Variants in ZDHHC20 observed in about 807,000 individuals in gnomAD.
ZDHHC20 encodes the protein palmitoyltransferase ZDHHC20.
In ZDHHC20, 43 loss-of-function variants were observed where a neutral mutation model predicts 57.8. That is an observed-to-expected ratio of 0.74 (90% CI 0.58 to 0.96). The LOEUF (loss-of-function observed/expected upper bound fraction) is 0.96. Ranked by LOEUF, ZDHHC20 falls within the 40% of genes least tolerant of loss-of-function variation. The pLI is 0.00. For missense variants in ZDHHC20, 391 were observed against 441.1 expected (o/e 0.89, Z 1.02); for synonymous variants, 157 against 153.0 (o/e 1.03, Z -0.19).
chr13:21,430,847 G>C (rs1881829345), intron 1 of ZDHHC20, among the ~76,000 whole-genome samples: 1 of 151,914 alleles, frequency 6.6e-6, no homozygotes, highest in Non-Finnish European at 1.5e-5. Flanking sequence ...GCTTCTTCTT[G>C]ATACCTTTCA....
intron 1 of ZDHHC20, among the ~76,000 whole-genome samples, chr13:21,427,361 T>C (rs183510459): frequency 6.6e-6 from 1 of 152,318 alleles, no homozygotes; most frequent in Non-Finnish European, 1.5e-5. Flanking sequence ...AGATGGGATT[T>C]GAACTAAAAG....
At chr13:21,392,808 C>T (rs1875984041) in intron 7 of ZDHHC20, among the ~76,000 whole-genome samples, 1 of 152,200 alleles carries the variant, frequency 6.6e-6, no homozygotes, top group African/African-American at 2.4e-5. Context: ...TGATCTTTTT[C>T]TCTTTTCTTC....
chr13:21,402,853 A>G lies in ZDHHC20; in HGVS notation c.384T>C (p.Cys128=). 2 of 1,593,540 alleles carry G rather than the reference A, an allele frequency of 1.3e-6. No individual in the cohort carries two copies. The highest frequency in any genetic ancestry group is 1.7e-4 in the Middle Eastern group (1 of 6,038). The change falls in exon 5 of 13, where the codon TGT becomes TGC. Residue 128 remains cysteine (C), a synonymous_variant. Coordinates refer to ENST00000400590, the MANE Select transcript of ZDHHC20 (RefSeq NM_001330059.2). ...CAGGTTTAATCAGCTGACATTTTTC[A>G]CAATATCTGATAGCTACATGAAAGA... ...TTSASKTIRY[C]EKCQLIKPDR...
intron 4 of ZDHHC20, among the ~76,000 whole-genome samples, chr13:21,413,064 A>G (rs1415603395): frequency 6.6e-6 from 1 of 151,974 alleles, no homozygotes; most frequent in Non-Finnish European, 1.5e-5. Context: ...TTAAACGACC[A>G]GCCACTTATA....
At chr13:21,385,447 T>A (rs1874295076) in intron 9 of ZDHHC20, among the ~76,000 whole-genome samples, 1 of 151,990 alleles carries the variant, frequency 6.6e-6, no homozygotes, top group African/African-American at 2.4e-5. Context: ...TAAATAAATA[T>A]TTTAAAAATC....
chr13:21,434,337 A>AG (rs1477523022), intron 1 of ZDHHC20, among the ~76,000 whole-genome samples: 2 of 145,804 alleles, frequency 1.4e-5, no homozygotes, highest in Non-Finnish European at 3.1e-5. Flanking sequence ...GATAATGACA[A>AG]TAACACTGCC....
Position 21,374,323 on chromosome 13 carries a change from C to T in ZDHHC20, c.*2373G>A, listed in dbSNP as rs1323187664. 6.9e-6 allele frequency: 3 copies of T among 434,670 alleles called. No homozygotes were observed. Among genetic ancestry groups the T allele is most frequent in the South Asian group, 4.9e-5 (3 of 61,360 alleles). 26.9% of individuals were successfully genotyped at this position (434,670 alleles called of 1,614,324 possible). On this transcript the variant is annotated 3_prime_UTR_variant, in exon 13 of 13. Coordinates refer to ENST00000400590, the MANE Select transcript of ZDHHC20 (RefSeq NM_001330059.2). Reference sequence around the variant, plus strand: ...CACTGCGACCTCCACCTCCTGGGTTCAAGTGATTCTCCTGCCTCCACCTCC... The same window carrying T: ...CACTGCGACCTCCACCTCCTGGGTTTAAGTGATTCTCCTGCCTCCACCTCC...
intron 12 of ZDHHC20, among the ~76,000 whole-genome samples, chr13:21,377,405 G>C (rs1243637841): frequency 3.2e-5 from 4 of 125,940 alleles, no homozygotes; most frequent in African/African-American, 1.4e-4. Flanking sequence ...ATCTGACTCT[G>C]CCCGACGTGA....
In ZDHHC20 at chr13:21,400,472, A is replaced by G. The variant is rs1877462310; in HGVS notation, c.495T>C (p.Phe165=). The part of the protein sequence containing the change: ...HCPWVNNCVG[F]SNYKFFLLFL... Reference sequence around the variant, plus strand: ...ACAGCAGGAAGAATTTGTAATTAGAAAATCCCACACAGTTATTCACCCTGG... The same window carrying G: ...ACAGCAGGAAGAATTTGTAATTAGAGAATCCCACACAGTTATTCACCCTGG... The change falls in exon 7 of 13, where the codon TTT becomes TTC. Residue 165 remains phenylalanine, a synonymous_variant. Transcript: ENST00000400590. 4.5e-6 allele frequency: 7 copies of G among 1,567,478 alleles called. No homozygotes were observed. Among genetic ancestry groups the G allele is most frequent in the Non-Finnish European group, 6.0e-6 (7 of 1,157,366 alleles).
chr13:21,408,291 T>C (rs1878733360), intron 4 of ZDHHC20, among the ~76,000 whole-genome samples: 1 of 152,230 alleles, frequency 6.6e-6, no homozygotes. Flanking sequence ...CCTCTTTTAT[T>C]TCCTTGAGCA....
At position 21,376,393 on chromosome 13, in the gene ZDHHC20, T is replaced by A. The variant is rs953381031; in HGVS notation, c.*303A>T. The A allele has an allele frequency of 3.7e-6, 1 of 267,234 alleles. No homozygotes were observed. The highest frequency in any genetic ancestry group is 2.2e-5 in the African/African-American group (1 of 45,810). The allele number at this position is 267,234 out of a possible 1,614,324, so 16.6% of individuals were successfully genotyped here. Reference sequence around the variant, plus strand: ...GTTAAAATGTGATGACAGCTCATATTATAGCAACTCATAACAGGTAAGTAT... The same window carrying A: ...GTTAAAATGTGATGACAGCTCATATAATAGCAACTCATAACAGGTAAGTAT... On this transcript the variant is annotated 3_prime_UTR_variant, in exon 13 of 13. Transcript: ENST00000400590.
intron 1 of ZDHHC20, among the ~76,000 whole-genome samples, chr13:21,435,987 G>T (rs2137979434): frequency 6.6e-6 from 1 of 152,316 alleles, no homozygotes; most frequent in South Asian, 2.1e-4. Context: ...CTCTGAAGTG[G>T]GCAGTTCCAC....
intron 10 of ZDHHC20, 72 bp downstream of exon 10, chr13:21,382,848 G>C: frequency 8.2e-7 from 1 of 1,223,560 alleles, no homozygotes; most frequent in Non-Finnish European, 1.2e-6. Context: ...TTACTCATAA[G>C]ATGTACACAC....
At chr13:21,387,689 G>T (rs1303284009) in intron 8 of ZDHHC20, 55 bp from the exon 9 acceptor site, 2 of 1,167,328 alleles carry the variant, frequency 1.7e-6, no homozygotes, top group Admixed American at 4.0e-5. Context: ...AATTATAGGA[G>T]GGATGGAAAT....
intron 4 of ZDHHC20, among the ~76,000 whole-genome samples, chr13:21,406,954 C>T (rs1006352384): frequency 1.8e-4 from 27 of 152,126 alleles, no homozygotes; most frequent in African/African-American, 2.4e-4. Flanking sequence ...GAGGAATCGC[C>T]GCGCTGTCTT....
chr13:21,383,001 T>C lies in ZDHHC20; in HGVS notation c.863A>G (p.Asp288Gly). The C allele has an allele frequency of 1.9e-6, 3 of 1,558,154 alleles. No individual in the cohort carries two copies. The highest frequency in any genetic ancestry group is 1.7e-6 in the Non-Finnish European group (2 of 1,150,054). ...WLLPIFSSLG[D>G]GCSFPTRLVG... is the part of the protein sequence containing the mutation. The stretch of plus-strand genomic sequence containing the variant: ...AAGGCGAGTTGGAAAACTGCAACCA[T>C]CACCCAAGCTGCATAATGAAAAAGA... The change falls in exon 10 of 13, where the codon GAT (aspartate) becomes GGT (glycine). Residue 288 changes from aspartate (D) to glycine (G), a missense_variant. Asp to Gly is a moderately conservative substitution (Grantham distance 94). Coordinates refer to ENST00000400590, the MANE Select transcript of ZDHHC20 (RefSeq NM_001330059.2).
chr13:21,428,696 T>C (rs1267989620), intron 1 of ZDHHC20, among the ~76,000 whole-genome samples: 1 of 151,048 alleles, frequency 6.6e-6, no homozygotes, highest in Non-Finnish European at 1.5e-5. Context: ...CCATCTCTAC[T>C]AAAAATACAA....
chr13:21,378,422 T>C (rs994281912), intron 12 of ZDHHC20, among the ~76,000 whole-genome samples: 1 of 152,180 alleles, frequency 6.6e-6, no homozygotes, highest in Non-Finnish European at 1.5e-5. Context: ...CACATACTAG[T>C]CCTAAACTAT....
intron 3 of ZDHHC20, 26 bp from the exon 4 acceptor site, chr13:21,413,798 A>T (rs982702292): frequency 5.7e-6 from 9 of 1,580,176 alleles, no homozygotes; most frequent in East Asian, 2.2e-5. Context: ...GGACTATTAA[A>T]TTTTTTTAAT....
Sources: allele counts gnomAD v4.1 joint callset (sites outside exome capture counted in the v4.1 genomes callset), GRCh38; gene constraint gnomAD v4.1.1; transcripts MANE v1.5; gene names NCBI Gene and HGNC (gene_info 2026-07-23, HGNC 2026-07-21).